Variants in GLDN observed in about 807,000 individuals in gnomAD.
GLDN encodes the protein collomin.
GLDN carries 47 observed loss-of-function variants against 56.5 expected under a neutral mutation model. That is an observed-to-expected ratio of 0.83 (90% CI 0.66 to 1.06). GLDN has a LOEUF of 1.06. Ranked by LOEUF, GLDN falls within the 50% of genes least tolerant of loss-of-function variation. GLDN has a pLI of 0.00. For missense variants in GLDN, 782 were observed against 714.3 expected (o/e 1.09, Z -1.08); for synonymous variants, 332 against 278.8 (o/e 1.19, Z -1.90).
rs373799498 is a variant in GLDN at position 51,381,615 on chromosome 15, GTCC to G, written c.416-1813_416-1811del. On this transcript the variant is annotated intron_variant, in intron 2 of 9. Transcript: ENST00000335449. ...ATTGCAGGCCCCCTGTTATCTGAAT[GTCC>G]TCCTCCTTTGCCTCCTACCCAATCA... Among the ~76,000 whole-genome samples the G allele has an allele frequency of 2.2e-3, 333 of 152,194 alleles. 1 individual carries two copies. The highest frequency in any genetic ancestry group is 7.8e-3 in the African/African-American group (325 of 41,482).
intron 3 of GLDN, 125 bp downstream of exon 3, chr15:51,383,578 C>T: frequency 8.5e-7 from 1 of 1,178,352 alleles, no homozygotes; most frequent in Non-Finnish European, 1.3e-6. Context: ...GTGTCTCCTT[C>T]TTTGTGCCCC....
At chr15:51,350,671 G>T (rs555448200) in intron 1 of GLDN, among the ~76,000 whole-genome samples, 1 of 152,154 alleles carries the variant, frequency 6.6e-6, no homozygotes, top group Admixed American at 6.5e-5. Flanking sequence ...AACTCATGTC[G>T]CAGGCAATGA....
At chr15:51,358,033 T>G (rs1342189541) in intron 1 of GLDN, among the ~76,000 whole-genome samples, 1 of 152,204 alleles carries the variant, frequency 6.6e-6, no homozygotes, top group Non-Finnish European at 1.5e-5. Context: ...AGGACATTTT[T>G]CCTTTGGTGC....
At chr15:51,353,991 A>T (rs1287994860) in intron 1 of GLDN, among the ~76,000 whole-genome samples, 1 of 152,148 alleles carries the variant, frequency 6.6e-6, no homozygotes, top group Non-Finnish European at 1.5e-5. Context: ...GATCTTTAAC[A>T]GCTCTATACT....
At chr15:51,384,278 G>A (rs182709103) in intron 4 of GLDN, 92 of 254,088 alleles carry the variant, frequency 3.6e-4, no homozygotes, top group Middle Eastern at 1.4e-3. Context: ...CCTGCCCAGC[G>A]AATCTGTGTT....
intron 1 of GLDN, among the ~76,000 whole-genome samples, chr15:51,364,050 T>C (rs537423462): frequency 6.2e-4 from 95 of 152,326 alleles, no homozygotes; most frequent in East Asian, 2.5e-3. Flanking sequence ...TTTAAACAGT[T>C]GTATGTCATT....
chr15:51,359,593 G>A (rs2037251408), intron 1 of GLDN, among the ~76,000 whole-genome samples: 1 of 152,156 alleles, frequency 6.6e-6, no homozygotes, highest in African/African-American at 2.4e-5. Context: ...CCAGAAAAAA[G>A]CCAATGAAGT....
chr15:51,353,713 T>TAAAAAA lies in GLDN; in HGVS notation c.363+11666_363+11667insAAAAAA, dbSNP rs1566935693. On this transcript the variant is annotated intron_variant, in intron 1 of 9. Coordinates refer to ENST00000335449, the MANE Select transcript of GLDN (RefSeq NM_181789.4). ...CTATCAGAACAGTCCTCGGATTTGA[T>TAAAAAA]TAAAAAAAAAAAAAAAAAAAACCAC... Among the ~76,000 whole-genome samples, 15 of 80,494 alleles carry TAAAAAA rather than the reference T, an allele frequency of 1.9e-4. 1 individual carries two copies. The highest frequency in any genetic ancestry group is 6.6e-4 in the African/African-American group (12 of 18,128). 52.8% of individuals were successfully genotyped at this position (80,494 alleles called of 152,430 possible).
intron 1 of GLDN, among the ~76,000 whole-genome samples, chr15:51,366,960 C>T (rs867403677): frequency 5.9e-5 from 9 of 152,234 alleles, no homozygotes; most frequent in East Asian, 5.8e-4. Flanking sequence ...AAATGTGTTT[C>T]GATAACAGTA....
In GLDN at chr15:51,341,977, G is replaced by A; in HGVS notation, c.293G>A (p.Gly98Asp). Residue 98 changes from glycine to aspartate, a missense_variant, in exon 1 of 10, where the codon GGC becomes GAC. Coordinates refer to ENST00000335449, the MANE Select transcript of GLDN (RefSeq NM_181789.4). ...SSARNKRSHS[G>D]EPAPHIRAES... ...GCTCGCAACAAGCGCAGCCACAGCG[G>A]CGAGCCCGCGCCGCATATCCGCGCC... 6.3e-7 allele frequency: 1 copy of A among 1,597,662 alleles called. No homozygotes were observed. The highest frequency in any genetic ancestry group is 8.5e-7 in the Non-Finnish European group (1 of 1,179,488).
chr15:51,410,977 TG>T (rs1311538407), downstream of GLDN, among the ~76,000 whole-genome samples: 1 of 152,116 alleles, frequency 6.6e-6, no homozygotes, highest in Non-Finnish European at 1.5e-5. Context: ...GACAAGGAAT[TG>T]GTCTAATTGC....
intron 1 of GLDN, among the ~76,000 whole-genome samples, chr15:51,370,635 T>TA (rs61086666): frequency 0.029 from 4,274 of 147,238 alleles, 95 homozygotes; most frequent in African/African-American, 0.065. Flanking sequence ...CACAGAAAAG[T>TA]AAAAAAAAAA....
chr15:51,341,910 C>T lies in GLDN; in HGVS notation c.226C>T (p.Pro76Ser). Residue 76 changes from proline (P) to serine (S), a missense_variant, in exon 1 of 10, where the codon CCG (proline) becomes TCG (serine). Physicochemically the swap from Pro to Ser is moderately conservative, Grantham distance 74. Transcript: ENST00000335449. The stretch of plus-strand genomic sequence containing the variant: ...CTTCCTGGCCGAGTTGAGCCGCGCG[C>T]CGCGCGGGGCGTCCGCACCACCCCA... ...RSFLAELSRA[P>S]RGASAPPQDP... 6.3e-7 allele frequency: 1 copy of T among 1,592,984 alleles called. No individual in the cohort carries two copies. Among genetic ancestry groups the T allele is most frequent in the Non-Finnish European group, 8.5e-7 (1 of 1,177,380 alleles).
intron 6 of GLDN, among the ~76,000 whole-genome samples, chr15:51,399,830 C>A (rs146463646): frequency 9.8e-5 from 15 of 152,308 alleles, no homozygotes; most frequent in African/African-American, 3.6e-4. Context: ...ATAGTGATGC[C>A]ACCTGCCAGA....
chr15:51,400,562 C>T (rs2038229369), intron 8 of GLDN, 64 bp downstream of exon 8: 1 of 1,534,594 alleles, frequency 6.5e-7, no homozygotes, highest in African/African-American at 1.4e-5. Context: ...TGTTGCCTAC[C>T]TTTGGGCGTA....
chr15:51,367,818 G>A (rs532324892), intron 1 of GLDN, among the ~76,000 whole-genome samples: 3 of 152,294 alleles, frequency 2.0e-5, no homozygotes, highest in East Asian at 1.9e-4. Context: ...AGCCACGCAA[G>A]TGCCCTGACT....
intron 5 of GLDN, among the ~76,000 whole-genome samples, chr15:51,396,087 A>C (rs1202289340): frequency 6.6e-6 from 1 of 152,198 alleles, no homozygotes; most frequent in Non-Finnish European, 1.5e-5. Context: ...ACAATTCAAC[A>C]TGAGATTTGG....
At chr15:51,355,032 T>C (rs1231363676) in intron 1 of GLDN, among the ~76,000 whole-genome samples, 1 of 152,196 alleles carries the variant, frequency 6.6e-6, no homozygotes, top group Non-Finnish European at 1.5e-5. Flanking sequence ...ACTAATTGGA[T>C]ATAAGGAAAA....
intron 1 of GLDN, chr15:51,367,450 G>A (rs1216084478): frequency 1.3e-5 from 2 of 152,298 alleles, no homozygotes; most frequent in East Asian, 3.8e-4. Context: ...GCCAGGGCTT[G>A]TGGGTGGACT....
Sources: gnomAD v4.1 joint callset for allele counts (sites outside exome capture counted in the v4.1 genomes callset) on GRCh38, gnomAD v4.1.1 for gene constraint, MANE v1.5 for transcripts, NCBI Gene and HGNC (gene_info 2026-07-23, HGNC 2026-07-21) for gene names.